DISC1: variants seen among roughly 807,000 people sequenced by gnomAD.
DISC1 encodes the protein disrupted in schizophrenia 1 protein.
In DISC1, 57 loss-of-function variants were observed where a neutral mutation model predicts 84.5. The observed-to-expected ratio is 0.67, with a 90% CI of 0.55 to 0.84. The LOEUF is 0.84. Ranked by LOEUF, DISC1 falls within the 40% of genes least tolerant of loss-of-function variation. The pLI, the probability that DISC1 is intolerant of heterozygous loss-of-function variation, is 0.00. For missense variants in DISC1, 1,000 were observed against 1,057.8 expected, an observed-to-expected ratio of 0.95 and a Z score of 0.76; for synonymous variants, 411 against 415.2, an observed-to-expected ratio of 0.99 and a Z score of 0.12.
In DISC1 at chr1:231,696,168, C is replaced by T. The variant is rs73115161; in HGVS notation, c.1047+1363C>T. On this transcript the variant is annotated intron_variant, in intron 2 of 12. Coordinates refer to ENST00000439617, the MANE Select transcript of DISC1 (RefSeq NM_018662.3). ...TTCCACATCTGGCTGGCCTCCAAGC[C>T]CTCTCAGTCCTACTGCTAATCTGTC... 8.2e-3 allele frequency among the ~76,000 whole-genome samples: 1,256 copies of T among 152,312 alleles called. 19 individuals carry two copies. Among genetic ancestry groups the T allele is most frequent in the African/African-American group, 0.029 (1,202 of 41,552 alleles).
At chr1:231,830,208 G>A (rs549037331) in intron 9 of DISC1, among the ~76,000 whole-genome samples, 5 of 152,300 alleles carry the variant, frequency 3.3e-5, no homozygotes, top group East Asian at 3.9e-4. Context: ...TGCTTCGAGC[G>A]GGATTAGGGC....
chr1:232,015,896 C>T (rs1385173337), intron 11 of DISC1, among the ~76,000 whole-genome samples: 2 of 152,174 alleles, frequency 1.3e-5, no homozygotes, highest in African/African-American at 4.8e-5. Context: ...TTGATTATGG[C>T]AGAGCAGATC....
chr1:231,877,968 A>G (rs945377469), intron 9 of DISC1, among the ~76,000 whole-genome samples: 5 of 152,270 alleles, frequency 3.3e-5, no homozygotes, highest in African/African-American at 1.2e-4. Context: ...CAAGATGAAG[A>G]CAAATGAACT....
chr1:231,987,097 C>T (rs893678694), intron 10 of DISC1, among the ~76,000 whole-genome samples: 1 of 152,166 alleles, frequency 6.6e-6, no homozygotes, highest in African/African-American at 2.4e-5. Flanking sequence ...TCTGAGAAGT[C>T]GGTTGTGCCC....
intron 10 of DISC1, among the ~76,000 whole-genome samples, chr1:231,999,675 A>G (rs746466122): frequency 6.5e-4 from 99 of 152,168 alleles, no homozygotes; most frequent in Non-Finnish European, 1.2e-3. Context: ...TGTCCTCCAG[A>G]GTCTGAGACT....
At chr1:232,024,886 G>A (rs1161868084) in intron 11 of DISC1, among the ~76,000 whole-genome samples, 4 of 151,972 alleles carry the variant, frequency 2.6e-5, no homozygotes, top group Non-Finnish European at 4.4e-5. Flanking sequence ...CACTGCGTCT[G>A]GTCTGCAAAA....
At position 231,826,075 on chromosome 1, in the gene DISC1, A is replaced by G. The variant is rs1337932488; in HGVS notation, c.1981+7558A>G. On this transcript the variant is annotated intron_variant, in intron 9 of 12. Transcript: ENST00000439617. The surrounding 1 kb of genome is among the most constrained non-coding windows in gnomAD (Gnocchi z 4.2). ...ATCTCTTTCTTTTTGTTTCTCAAGCACTTGAGAACTAAGCACTGTGCTAAG... is the reference window on the plus strand; with the variant it reads ...ATCTCTTTCTTTTTGTTTCTCAAGCGCTTGAGAACTAAGCACTGTGCTAAG... 1.3e-5 allele frequency among the ~76,000 whole-genome samples: 2 copies of G among 152,200 alleles called. No individual in the cohort carries two copies. The highest frequency in any genetic ancestry group is 4.8e-5 in the African/African-American group (2 of 41,448).
chr1:231,809,489 G>A (rs958332535), intron 8 of DISC1, among the ~76,000 whole-genome samples: 29 of 145,272 alleles, frequency 2.0e-4, no homozygotes, highest in Admixed American at 8.5e-4. Flanking sequence ...TAACATAAGA[G>A]GATGTCTCTG....
intron 3 of DISC1, among the ~76,000 whole-genome samples, chr1:231,747,798 A>G (rs746718135): frequency 4.6e-5 from 7 of 152,022 alleles, no homozygotes; most frequent in Non-Finnish European, 8.8e-5. Flanking sequence ...TTTCTGTGAG[A>G]AATGTCATTG....
chr1:231,769,458 A>G (rs191416429), intron 5 of DISC1, among the ~76,000 whole-genome samples: 8 of 152,354 alleles, frequency 5.3e-5, no homozygotes, highest in East Asian at 1.9e-4. Flanking sequence ...GACACACGCT[A>G]CAGCATGGTT....
At chr1:231,742,791 T>C (rs1168042478) in intron 3 of DISC1, among the ~76,000 whole-genome samples, 1 of 83,656 alleles carries the variant, frequency 1.2e-5, no homozygotes, top group Admixed American at 1.3e-4. Flanking sequence ...ATGCCAGTAG[T>C]CCCAGCTACT....
intron 9 of DISC1, chr1:231,855,335 G>C: frequency 1.0e-6 from 1 of 965,190 alleles, no homozygotes; most frequent in Non-Finnish European, 1.2e-6. Flanking sequence ...TACAATTTTT[G>C]TCAATTAAAC....
intron 9 of DISC1, among the ~76,000 whole-genome samples, chr1:231,820,638 G>A (rs998424536): frequency 6.6e-6 from 1 of 152,162 alleles, no homozygotes; most frequent in Non-Finnish European, 1.5e-5. Context: ...CCCACAACAT[G>A]TGCCATTCAG....
chr1:231,654,034 C>A (rs1395141491), intron 1 of DISC1, among the ~76,000 whole-genome samples: 3 of 152,160 alleles, frequency 2.0e-5, no homozygotes, highest in African/African-American at 7.2e-5. Context: ...CTTGATTAGA[C>A]CTTGATTTTG....
In DISC1 at chr1:231,719,791, G is replaced by A. The variant is rs370622231; in HGVS notation, c.1117+17767G>A. 8.9e-4 allele frequency among the ~76,000 whole-genome samples: 136 copies of A among 152,114 alleles called. 3 individuals are homozygous for A. The South Asian group carries it at 0.025, about 28-fold the overall frequency. On this transcript the variant is annotated intron_variant, in intron 3 of 12. Coordinates refer to ENST00000439617, the MANE Select transcript of DISC1 (RefSeq NM_018662.3). ...AATCATTTTCTTAGATAACCTTAGC[G>A]CACCTAATTTGATGCCTGTTGAGAG...
chr1:231,799,897 CTCCCTTCCTCCCTTCT>C, intron 7 of DISC1, among the ~76,000 whole-genome samples, 195 bp from the exon 8 acceptor site: 1 of 35,668 alleles, frequency 2.8e-5, no homozygotes, highest in Non-Finnish European at 5.4e-5. Context: ...CCTTCCCTTC[CTCCCTTCCTCCCTTCT>C]TCCCTTCCTC....
intron 6 of DISC1, among the ~76,000 whole-genome samples, chr1:231,785,577 A>T (rs1170367823): frequency 2.0e-5 from 3 of 152,068 alleles, no homozygotes; most frequent in Admixed American, 6.6e-5. Context: ...TACAGACGTG[A>T]TCCACCATAC....
At chr1:232,020,159 T>C (rs973696451) in intron 11 of DISC1, among the ~76,000 whole-genome samples, 3 of 151,950 alleles carry the variant, frequency 2.0e-5, no homozygotes, top group African/African-American at 4.8e-5. Flanking sequence ...CTGACCAACA[T>C]GGAGAAACCC....
intron 9 of DISC1, among the ~76,000 whole-genome samples, chr1:231,894,027 G>A (rs1010003298): frequency 2.6e-5 from 4 of 152,162 alleles, no homozygotes; most frequent in Admixed American, 1.3e-4. Context: ...TTGGGAATTC[G>A]TAGTTTTGAG....
Sources: gnomAD v4.1 joint callset for allele counts (sites outside exome capture counted in the v4.1 genomes callset) on GRCh38, gnomAD v4.1.1 for gene constraint, Gnocchi (gnomAD v3.1) non-coding constraint, MANE v1.5 for transcripts, NCBI Gene and HGNC (gene_info 2026-07-23, HGNC 2026-07-21) for gene names.